Variants in TIFA observed in about 807,000 individuals in gnomAD.
TIFA encodes TRAF-interacting protein with FHA domain-containing protein A.
For synonymous variants in TIFA, 75 were observed against 79.2 expected (o/e 0.95, Z 0.28); for missense variants, 186 against 215.2 (o/e 0.86, Z 0.85).
intron 1 of TIFA, among the ~76,000 whole-genome samples, chr4:112,284,609 C>T (rs938656545): frequency 2.0e-5 from 3 of 151,982 alleles, no homozygotes; most frequent in African/African-American, 7.3e-5. Context: ...CCCCCAACCC[C>T]CTCGCCTCCC....
Position 112,278,430 on chromosome 4 carries a change from C to T in TIFA, c.-14G>A. The T allele has an allele frequency of 2.0e-6, 3 of 1,520,968 alleles. No individual in the cohort carries two copies. The South Asian group carries it at 4.0e-5, about 20-fold the overall frequency. The allele number at this position is 1,520,968 out of a possible 1,614,324, so 94.2% of individuals were successfully genotyped here. On this transcript the variant is annotated 5_prime_UTR_variant, in exon 2 of 2. Transcript: ENST00000361717. ...AAAACTGGTCATGATGTGCACAAGG[C>T]CCACCTGCAATAATTAAATTACCAT... is the stretch of plus-strand genomic sequence containing the variant.
At position 112,278,406 on chromosome 4, in the gene TIFA, A is replaced by G. The variant is rs767562614; in HGVS notation, c.11T>C (p.Phe4Ser). The change falls in exon 2 of 2, where the codon TTT becomes TCT. Residue 4 changes from phenylalanine to serine, a missense_variant. Phe to Ser is a radical substitution (Grantham distance 155, BLOSUM62 -2). Coordinates refer to ENST00000361717, the MANE Select transcript of TIFA (RefSeq NM_052864.3). MTSFEDADTEETVT... is the reference protein window; with the variant it reads MTSSEDADTEETVT... ...TGTCTCTTCTGTGTCAGCATCTTCA[A>G]AACTGGTCATGATGTGCACAAGGCC... is the stretch of plus-strand genomic sequence containing the variant. 9 of 1,561,240 alleles carry G rather than the reference A, an allele frequency of 5.8e-6. No homozygotes were observed. In the Middle Eastern group the frequency reaches 5.2e-4, roughly 90 times the overall value.
intron 1 of TIFA, chr4:112,281,828 C>G (rs1267890614): frequency 6.6e-6 from 1 of 152,086 alleles, no homozygotes; most frequent in Admixed American, 6.6e-5. Context: ...TTAATATTAG[C>G]AAAAAAACCA....
In TIFA at chr4:112,278,242, TATA is replaced by T. The variant is rs1412697032; in HGVS notation, c.172_174del (p.Tyr58del). Reference sequence around the variant, plus strand: ...CGGGAAACCTGTTTGTCCTGAAAAGTATAATGACAGATGTTGGAATTTCGGCCA... The same window carrying T: ...CGGGAAACCTGTTTGTCCTGAAAAGTATGACAGATGTTGGAATTTCGGCCA... On this transcript the variant is annotated inframe_deletion, in exon 2 of 2. Transcript: ENST00000361717. 1.2e-6 allele frequency: 2 copies of T among 1,613,914 alleles called. No homozygotes were observed. The highest frequency in any genetic ancestry group is 1.3e-5 in the African/African-American group (1 of 74,914).
chr4:112,274,983 A>C lies in TIFA; in HGVS notation c.*2879T>G, dbSNP rs544219215. On this transcript the variant is annotated 3_prime_UTR_variant, in exon 2 of 2. Coordinates refer to ENST00000361717, the MANE Select transcript of TIFA (RefSeq NM_052864.3). ...CACCTCTCTACCTAAGGAGCCCCAG[A>C]AAAATCACTTTCCAGGGACAAAGAA... 3 of 152,324 alleles carry C rather than the reference A, an allele frequency of 2.0e-5. No homozygotes were observed. Among genetic ancestry groups the C allele is most frequent in the African/African-American group, 7.2e-5 (3 of 41,560 alleles). 9.4% of individuals were successfully genotyped at this position (152,324 alleles called of 1,614,324 possible).
Position 112,276,936 on chromosome 4 carries a change from TTTTA to T in TIFA, c.*922_*925del, listed in dbSNP as rs773557173. ...GAATAAGTATCTTAAATAAATAAATTTTTATTTAAGAACTGAAAAAGACTTTTTT... is the reference window on the plus strand; with the variant it reads ...GAATAAGTATCTTAAATAAATAAATTTTTAAGAACTGAAAAAGACTTTTTT... On this transcript the variant is annotated 3_prime_UTR_variant, in exon 2 of 2. Transcript: ENST00000361717. The T allele has an allele frequency of 3.2e-4, 48 of 152,198 alleles. 1 individual carries two copies. The highest frequency in any genetic ancestry group is 3.3e-4 in the Admixed American group (5 of 15,278). The allele number at this position is 152,198 out of a possible 1,614,324, so 9.4% of individuals were successfully genotyped here. A position where few individuals can be genotyped will look rare whatever the true frequency, so the allele number is the denominator to read the frequency against.
intron 1 of TIFA, among the ~76,000 whole-genome samples, chr4:112,282,197 C>A (rs191265956): frequency 5.3e-5 from 8 of 152,204 alleles, no homozygotes; most frequent in African/African-American, 1.9e-4. Flanking sequence ...ATGTGACTTG[C>A]TCCTCCTTGC....
chr4:112,279,646 A>G (rs1348733252), intron 1 of TIFA, among the ~76,000 whole-genome samples: 1 of 150,740 alleles, frequency 6.6e-6, no homozygotes, highest in African/African-American at 2.5e-5. Context: ...GAAACATGCT[A>G]TATTTAGTTC....
intron 1 of TIFA, among the ~76,000 whole-genome samples, chr4:112,284,170 G>A (rs1727276151): frequency 6.6e-6 from 1 of 152,132 alleles, no homozygotes; most frequent in Non-Finnish European, 1.5e-5. Flanking sequence ...GAGTTGGGAA[G>A]AGAAGAGTTA....
chr4:112,279,757 C>T (rs1356575485), intron 1 of TIFA, among the ~76,000 whole-genome samples: 1 of 151,964 alleles, frequency 6.6e-6, no homozygotes, highest in Non-Finnish European at 1.5e-5. Context: ...AACTCCACCT[C>T]CCGGGTTCAA....
rs760174085 is a variant in TIFA, at chr4:112,276,710, C to T, written c.*1152G>A. On this transcript the variant is annotated 3_prime_UTR_variant, in exon 2 of 2. Coordinates refer to ENST00000361717, the MANE Select transcript of TIFA (RefSeq NM_052864.3). ...TCTGAATCAAGATGAGGTTTAAAGC[C>T]TCTTTTGGTAAGAGGCTGGAGGGTT... The T allele has an allele frequency of 6.6e-6, 1 of 152,164 alleles. No homozygotes were observed. The highest frequency in any genetic ancestry group is 1.5e-5 in the Non-Finnish European group (1 of 68,014). The allele number at this position is 152,164 out of a possible 1,614,324, so 9.4% of individuals were successfully genotyped here. A position where few individuals can be genotyped will look rare whatever the true frequency, so the allele number is the denominator to read the frequency against.
chr4:112,276,273 C>T lies in TIFA; in HGVS notation c.*1589G>A, dbSNP rs1416858352. ...ACTGTCCACATTCCTTGGCTCATGA[C>T]CTCCCCTTCCTCCCAGCAACAGCAA... On this transcript the variant is annotated 3_prime_UTR_variant, in exon 2 of 2. Transcript: ENST00000361717. 1 of 153,262 alleles carries T rather than the reference C, an allele frequency of 6.5e-6. No homozygotes were observed. Among genetic ancestry groups the T allele is most frequent in the Non-Finnish European group, 1.5e-5 (1 of 68,078 alleles). The allele number at this position is 153,262 out of a possible 1,614,324, so 9.5% of individuals were successfully genotyped here.
rs932232636 is a variant in TIFA, at chr4:112,274,707, T to G, written c.*3155A>C. 2 of 152,186 alleles carry G rather than the reference T, an allele frequency of 1.3e-5. No homozygotes were observed. The highest frequency in any genetic ancestry group is 4.8e-5 in the African/African-American group (2 of 41,436). The allele number at this position is 152,186 out of a possible 1,614,324, so 9.4% of individuals were successfully genotyped here. A position where few individuals can be genotyped will look rare whatever the true frequency, so the allele number is the denominator to read the frequency against. On this transcript the variant is annotated 3_prime_UTR_variant, in exon 2 of 2. Coordinates refer to ENST00000361717, the MANE Select transcript of TIFA (RefSeq NM_052864.3). Reference sequence around the variant, plus strand: ...TAATTTTTCTACAAGGCATATATATTTATTTACACATATAAATTTTTTTTT... The same window carrying G: ...TAATTTTTCTACAAGGCATATATATGTATTTACACATATAAATTTTTTTTT...
intron 1 of TIFA, among the ~76,000 whole-genome samples, chr4:112,279,022 AG>A: frequency 6.6e-6 from 1 of 152,268 alleles, no homozygotes; most frequent in East Asian, 1.9e-4. Flanking sequence ...GATTAAAAAT[AG>A]TAAATGCTTT....
Position 112,277,674 on chromosome 4 carries a change from G to GGTGGTCGCCGT in TIFA, c.*187_*188insACGGCGACCAC. 4.6e-6 allele frequency: 2 copies of GGTGGTCGCCGT among 431,854 alleles called. No homozygotes were observed. Among genetic ancestry groups the GGTGGTCGCCGT allele is most frequent in the South Asian group, 6.0e-5 (1 of 16,790 alleles). The allele number at this position is 431,854 out of a possible 1,614,324, so 26.8% of individuals were successfully genotyped here. ...GTTAAAATAATTTTGTGTAGATCCA[G>GGTGGTCGCCGT]AATACAACAGGTGACTAAGTTAATG... On this transcript the variant is annotated 3_prime_UTR_variant, in exon 2 of 2. Coordinates refer to ENST00000361717, the MANE Select transcript of TIFA (RefSeq NM_052864.3).
intron 1 of TIFA, among the ~76,000 whole-genome samples, chr4:112,285,267 C>T (rs1727300985): frequency 6.6e-6 from 1 of 151,964 alleles, no homozygotes; most frequent in African/African-American, 2.4e-5. Context: ...GGGGCCGTAG[C>T]AGTTGGCAAG....
intron 1 of TIFA, among the ~76,000 whole-genome samples, chr4:112,283,918 T>C (rs554313628): frequency 6.6e-6 from 1 of 152,336 alleles, no homozygotes; most frequent in East Asian, 1.9e-4. Context: ...TAGCAAAGTA[T>C]TATTAAAGGG....
At chr4:112,281,240 T>C (rs1269900690) in intron 1 of TIFA, among the ~76,000 whole-genome samples, 1 of 152,246 alleles carries the variant, frequency 6.6e-6, no homozygotes, top group Non-Finnish European at 1.5e-5. Context: ...AAAGGAGAAC[T>C]GTATTAAAAA....
At chr4:112,281,290 T>C (rs1257161261) in intron 1 of TIFA, among the ~76,000 whole-genome samples, 2 of 152,212 alleles carry the variant, frequency 1.3e-5, no homozygotes, top group South Asian at 2.1e-4. Flanking sequence ...TTTGGTAACA[T>C]CCAAATTTTG....
Sources: gnomAD v4.1 joint callset for allele counts (sites outside exome capture counted in the v4.1 genomes callset) on GRCh38, gnomAD v4.1.1 for gene constraint, MANE v1.5 for transcripts, NCBI Gene and HGNC (gene_info 2026-07-23, HGNC 2026-07-21) for gene names.